The following TRRAP variants were observed in gnomAD, a reference collection of about 807,000 sequenced individuals.
TRRAP encodes the protein transformation/transcription domain-associated protein.
A neutral mutation model predicts 438.8 loss-of-function variants in TRRAP; 41 were observed. The ratio of observed to expected loss-of-function variants is 0.09; its 90% CI spans 0.07 to 0.12. The LOEUF is 0.12. Ranked by LOEUF, TRRAP falls within the 10% of genes least tolerant of loss-of-function variation. TRRAP has a pLI of 1.00. For synonymous variants in TRRAP, 1,994 were observed against 1,962.9 expected, an observed-to-expected ratio of 1.02 and a Z score of -0.42; for missense variants, 3,122 against 5,055.1, an observed-to-expected ratio of 0.62 and a Z score of 11.60.
intron 31 of TRRAP, among the ~76,000 whole-genome samples, chr7:98,943,467 T>C (rs1270445064): frequency 3.3e-5 from 5 of 152,220 alleles, no homozygotes; most frequent in African/African-American, 1.2e-4. Context: ...TTTTTGGGAC[T>C]GAAAGCTTTG....
chr7:98,886,383 GAGAGAT>G (rs1466058417), intron 3 of TRRAP, among the ~76,000 whole-genome samples: 4 of 151,570 alleles, frequency 2.6e-5, no homozygotes, highest in African/African-American at 4.8e-5. Flanking sequence ...TAGATATCTA[GAGAGAT>G]AGAGATAGAT....
In TRRAP at chr7:98,951,181, G is replaced by A. The variant is rs1363328623; in HGVS notation, c.5463+177G>A. On this transcript the variant is annotated intron_variant, in intron 39 of 72. Transcript: ENST00000456197. ...GTTTTTAGCAGACCGTCACCTTAAC[G>A]ATTCTTGTTAGTGAGTTTTTGAAGG... Among the ~76,000 whole-genome samples the A allele has an allele frequency of 1.3e-4, 19 of 151,934 alleles. 1 individual carries two copies. Among genetic ancestry groups the A allele is most frequent in the African/African-American group, 4.4e-4 (18 of 41,372 alleles).
chr7:98,981,916 C>T lies in TRRAP; in HGVS notation c.8782C>T (p.Arg2928Trp). The T allele has an allele frequency of 5.6e-6, 9 of 1,608,234 alleles. No individual in the cohort carries two copies. Among genetic ancestry groups the T allele is most frequent in the Non-Finnish European group, 5.9e-6 (7 of 1,178,564 alleles). ...ASSLAIREWR[R>W]LPHVVSHVHT... is the part of the protein sequence containing the mutation. ...CAGCCTGGCCATCCGCGAGTGGCGG[C>T]GGCTGCCCCACGTAGTGTCCCACGT... Residue 2928 changes from arginine to tryptophan, a missense_variant, in exon 59 of 73, where the codon CGG becomes TGG. This residue lies in a region of TRRAP where 992 missense variants were observed against 1,281.2 expected (regional missense o/e 0.77). Transcript: ENST00000456197.
At position 98,984,166 on chromosome 7, in the gene TRRAP, A is replaced by G. The variant is rs1194088524; in HGVS notation, c.9096A>G (p.Ala3032=). 3.1e-6 allele frequency: 5 copies of G among 1,614,198 alleles called. 1 individual carries two copies. The South Asian group carries it at 5.5e-5, about 18-fold the overall frequency. Residue 3032 remains alanine (A), a synonymous_variant, in exon 61 of 73, where the codon GCA becomes GCG. Transcript: ENST00000456197. ...SSNNAMLGVH[A]SASAIIQYGK... is the part of the protein sequence containing the mutation. ...ATAACGCTATGCTTGGGGTTCATGC[A>G]TCAGCTTCAGCGATCATCCAGTATG...
chr7:99,005,749 A>G lies in TRRAP; in HGVS notation c.10753+401A>G, dbSNP rs1035936027. ...TGTATTTTATGTGTGGCCTGAGACA[A>G]TTCTTCCAATGTGGCCCAGGGAAGC... On this transcript the variant is annotated intron_variant, in intron 69 of 72. Transcript: ENST00000456197. This position sits in a 1 kb window ranked among gnomAD's most constrained non-coding sequence, Gnocchi z 5.1. Among the ~76,000 whole-genome samples, 8 of 151,848 alleles carry G rather than the reference A, an allele frequency of 5.3e-5. No individual in the cohort carries two copies. The South Asian group carries it at 1.0e-3, about 20-fold the overall frequency.
intron 3 of TRRAP, among the ~76,000 whole-genome samples, chr7:98,885,320 G>A (rs562363888): frequency 2.6e-5 from 4 of 151,942 alleles, no homozygotes; most frequent in East Asian, 3.9e-4. Flanking sequence ...GGGCTCAAGC[G>A]ATCCTCCTGC....
In TRRAP at chr7:99,011,466, C is replaced by T. The variant is rs55720437; in HGVS notation, c.11268C>T (p.Ile3756=). 1.3e-4 allele frequency: 204 copies of T among 1,614,154 alleles called. No individual in the cohort carries two copies. The highest frequency in any genetic ancestry group is 1.7e-4 in the Non-Finnish European group (197 of 1,180,062). ...TPNISEFLTT[I]GVSGPLTASM... Reference sequence around the variant, plus strand: ...ACATTTCTGAGTTTCTGACCACCATCGGGGTCTCCGGCCCGTTGACAGCGT... The same window carrying T: ...ACATTTCTGAGTTTCTGACCACCATTGGGGTCTCCGGCCCGTTGACAGCGT... Residue 3756 remains isoleucine, a synonymous_variant, in exon 72 of 73, where the codon ATC becomes ATT. Transcript: ENST00000456197. The surrounding 1 kb of genome is among the most constrained non-coding windows in gnomAD (Gnocchi z 7.1).
chr7:98,917,857 C>G (rs528555373), intron 20 of TRRAP, among the ~76,000 whole-genome samples, 178 bp downstream of exon 20: 1 of 152,188 alleles, frequency 6.6e-6, no homozygotes, highest in African/African-American at 2.4e-5. Context: ...CACGGTGTCT[C>G]CTGACTGTGA....
rs1796901980 is a variant in TRRAP at position 98,908,627 on chromosome 7, CA to C, written c.1116-100del. On this transcript the variant is annotated intron_variant, in intron 13 of 72. Transcript: ENST00000456197. This position sits in a 1 kb window ranked among gnomAD's most constrained non-coding sequence, Gnocchi z 4.1. ...AATGGGCCATGTAAGTGTGCCGACC[CA>C]GGGGTGGTGTTCCTGGGGCAGATGG... 2.8e-6 allele frequency: 3 copies of C among 1,072,212 alleles called. No homozygotes were observed. Among genetic ancestry groups the C allele is most frequent in the Admixed American group, 4.1e-5 (2 of 48,206 alleles). The allele number at this position is 1,072,212 out of a possible 1,614,324, so 66.4% of individuals were successfully genotyped here.
At chr7:98,895,280 A>T (rs1230458880) in intron 6 of TRRAP, among the ~76,000 whole-genome samples, 1 of 152,090 alleles carries the variant, frequency 6.6e-6, no homozygotes, top group African/African-American at 2.4e-5. Context: ...AGGTATTTCA[A>T]ATTTCTTATT....
Position 98,983,309 on chromosome 7 carries a change from G to A in TRRAP, c.8872G>A (p.Ala2958Thr), listed in dbSNP as rs537483764. ...ACTCCAGGAAGCTGCACAAATCAACGCAGGCTTACAGCCAACCAACCTGGG... is the reference window on the plus strand; with the variant it reads ...ACTCCAGGAAGCTGCACAAATCAACACAGGCTTACAGCCAACCAACCTGGG... ...IELQEAAQIN[A>T]GLQPTNLGRN... The change falls in exon 60 of 73, where the codon GCA becomes ACA. Residue 2958 changes from alanine to threonine, a missense_variant. Ala to Thr is a moderately conservative substitution (Grantham distance 58). This residue lies in a region of TRRAP where 129 missense variants were observed against 279.2 expected (regional missense o/e 0.46). Coordinates refer to ENST00000456197, the MANE Select transcript of TRRAP (RefSeq NM_001375524.1). 8.1e-6 allele frequency: 13 copies of A among 1,614,038 alleles called. No homozygotes were observed. In the African/African-American group the frequency reaches 1.6e-4, roughly 20 times the overall value.
intron 30 of TRRAP, among the ~76,000 whole-genome samples, chr7:98,939,930 G>A (rs1790719104): frequency 6.6e-6 from 1 of 152,158 alleles, no homozygotes; most frequent in African/African-American, 2.4e-5. Context: ...TGCCCAGGCT[G>A]GAGTGCAGTG....
chr7:98,970,458 A>T lies in TRRAP; in HGVS notation c.7692+167A>T, dbSNP rs537222476. Among the ~76,000 whole-genome samples the T allele has an allele frequency of 4.6e-5, 7 of 152,314 alleles. 1 individual carries two copies. Among genetic ancestry groups the T allele is most frequent in the African/African-American group, 1.7e-4 (7 of 41,580 alleles). ...GCAGAATCCCAGAGGAGTGGAGGTG[A>T]GGCCCCGCGCCCCACGGGCAGAATC... is the stretch of plus-strand genomic sequence containing the variant. On this transcript the variant is annotated intron_variant, in intron 52 of 72. Transcript: ENST00000456197.
chr7:99,005,363 C>T lies in TRRAP; in HGVS notation c.10753+15C>T, dbSNP rs372910435. ...GTTTTTCACAGGTAGGGTTGAGAGC[C>T]ACAGCTCGCTGGGTACACAGGCAGC... On this transcript the variant is annotated intron_variant, in intron 69 of 72. Coordinates refer to ENST00000456197, the MANE Select transcript of TRRAP (RefSeq NM_001375524.1). This position sits in a 1 kb window ranked among gnomAD's most constrained non-coding sequence, Gnocchi z 5.1. The T allele has an allele frequency of 3.5e-4, 563 of 1,613,016 alleles. No homozygotes were observed. Among genetic ancestry groups the T allele is most frequent in the Non-Finnish European group, 3.0e-4 (351 of 1,179,428 alleles).
In TRRAP at chr7:98,946,714, A is replaced by C. The variant is rs572911014; in HGVS notation, c.4548+764A>C. Among the ~76,000 whole-genome samples the C allele has an allele frequency of 5.9e-5, 9 of 152,310 alleles. No homozygotes were observed. In the South Asian group the frequency reaches 1.5e-3, roughly 25 times the overall value. On this transcript the variant is annotated intron_variant, in intron 33 of 72. Coordinates refer to ENST00000456197, the MANE Select transcript of TRRAP (RefSeq NM_001375524.1). Reference sequence around the variant, plus strand: ...TGCACACACACACTGATGCACTCACAACATTGTGCAGCATTGCACACACCC... The same window carrying C: ...TGCACACACACACTGATGCACTCACCACATTGTGCAGCATTGCACACACCC...
At chr7:98,963,493 G>A (rs369293619) in intron 47 of TRRAP, among the ~76,000 whole-genome samples, 2 of 152,156 alleles carry the variant, frequency 1.3e-5, no homozygotes, top group African/African-American at 2.4e-5. Flanking sequence ...GTCGAAGGCC[G>A]GGGCAGCCTC....
chr7:98,975,960 A>T, intron 53 of TRRAP, 189 bp from the exon 54 acceptor site: 1 of 717,294 alleles, frequency 1.4e-6, no homozygotes, highest in Non-Finnish European at 2.2e-6. Context: ...TGCTAAGTGC[A>T]CCATGGCTTC....
rs936661820 is a variant in TRRAP at position 98,948,128 on chromosome 7, A to G, written c.4549-93A>G. The G allele has an allele frequency of 5.1e-6, 8 of 1,565,972 alleles. 1 individual carries two copies. The highest frequency in any genetic ancestry group is 6.9e-6 in the Non-Finnish European group (8 of 1,152,228). On this transcript the variant is annotated intron_variant, in intron 33 of 72. Transcript: ENST00000456197. This position sits in a 1 kb window ranked among gnomAD's most constrained non-coding sequence, Gnocchi z 4.9. ...CGCTTCACTGCCTAGCCTTGCCAAC[A>G]TAGTTAGACTATAGTAGGGTCTGTA...
At chr7:98,958,710 C>T (rs1791741736) in intron 44 of TRRAP, among the ~76,000 whole-genome samples, 1 of 152,120 alleles carries the variant, frequency 6.6e-6, no homozygotes, top group African/African-American at 2.4e-5. Context: ...GACATGATCT[C>T]GGCTGATCAT....
Sources: allele counts gnomAD v4.1 joint callset (sites outside exome capture counted in the v4.1 genomes callset), GRCh38; gene constraint gnomAD v4.1.1; regional missense constraint gnomAD v4.1.1; non-coding constraint Gnocchi (gnomAD v3.1); transcripts MANE v1.5; gene names NCBI Gene and HGNC (gene_info 2026-07-23, HGNC 2026-07-21).